Variants in DNAH9 observed in about 807,000 individuals in gnomAD.
The protein encoded by DNAH9 is DNAH9 variant protein.
DNAH9 carries 345 observed loss-of-function variants against 471.6 expected under a neutral mutation model. That is an observed-to-expected ratio of 0.73 (90% confidence interval 0.67 to 0.80). DNAH9 has a LOEUF of 0.80. Among genes scored for constraint, DNAH9 ranks in the 30% least tolerant of loss-of-function variants. The pLI is 0.00. For missense variants in DNAH9, 5,407 were observed against 5,609.2 expected, an observed-to-expected ratio of 0.96 and a Z score of 1.15; for synonymous variants, 2,093 against 2,123.6, an observed-to-expected ratio of 0.99 and a Z score of 0.40.
At chr17:11,842,200 A>T (rs1258263029) in intron 49 of DNAH9, among the ~76,000 whole-genome samples, 1 of 152,196 alleles carries the variant, frequency 6.6e-6, no homozygotes, top group Non-Finnish European at 1.5e-5. Context: ...CAAGAAAATA[A>T]AACCTCAGAT....
intron 50 of DNAH9, among the ~76,000 whole-genome samples, chr17:11,855,596 G>C (rs890513468): frequency 5.9e-5 from 9 of 152,142 alleles, no homozygotes; most frequent in Non-Finnish European, 1.3e-4. Flanking sequence ...GAGAAATAAA[G>C]GTTACAACTG....
In DNAH9 at chr17:11,962,403, AT is replaced by A; in HGVS notation, c.13233+150del. 7.5e-7 allele frequency: 1 copy of A among 1,327,834 alleles called. No individual in the cohort carries two copies. Among genetic ancestry groups the A allele is most frequent in the Non-Finnish European group, 9.9e-7 (1 of 1,006,098 alleles). 82.3% of individuals were successfully genotyped at this position (1,327,834 alleles called of 1,614,324 possible). On this transcript the variant is annotated intron_variant, in intron 68 of 68. Coordinates refer to ENST00000262442, the MANE Select transcript of DNAH9 (RefSeq NM_001372.4). The surrounding 1 kb of genome is among the most constrained non-coding windows in gnomAD (Gnocchi z 4.1). ...TCCTTGAGGCCATCAGGCCATTTTT[AT>A]TTAGCCAGGGGTGGTGCAAAGAGCG... is the stretch of plus-strand genomic sequence containing the variant.
chr17:11,739,149 T>A, intron 29 of DNAH9, 112 bp downstream of exon 29: 1 of 1,117,006 alleles, frequency 9.0e-7, no homozygotes, highest in Non-Finnish European at 1.2e-6. Context: ...TTTGGAAAAG[T>A]AGATTTGTAA....
chr17:11,649,975 C>T (rs780316808), intron 12 of DNAH9, among the ~76,000 whole-genome samples: 12 of 152,086 alleles, frequency 7.9e-5, no homozygotes, highest in African/African-American at 1.2e-4. Flanking sequence ...ATATTTTATG[C>T]GCAAAAGTTT....
chr17:11,888,230 C>T (rs1177413034), intron 57 of DNAH9, among the ~76,000 whole-genome samples: 57 of 152,044 alleles, frequency 3.7e-4, no homozygotes, highest in Admixed American at 3.5e-3. Context: ...GTGATCCGCC[C>T]GCCTCGGCCT....
chr17:11,762,401 C>T (rs908715835), intron 35 of DNAH9, among the ~76,000 whole-genome samples: 15 of 152,062 alleles, frequency 9.9e-5, no homozygotes, highest in African/African-American at 3.6e-4. Context: ...GATGAGGATA[C>T]CTATGGGAAG....
intron 50 of DNAH9, among the ~76,000 whole-genome samples, chr17:11,859,084 C>CAAAAAAAA (rs56040033): frequency 3.1e-5 from 2 of 64,374 alleles, no homozygotes; most frequent in Non-Finnish European, 2.8e-5. Flanking sequence ...AACCCCGTCT[C>CAAAAAAAA]AAAAAAAAAA....
chr17:11,640,102 T>G (rs2073242112), intron 9 of DNAH9, among the ~76,000 whole-genome samples, 168 bp from the exon 10 acceptor site: 1 of 152,242 alleles, frequency 6.6e-6, no homozygotes, highest in South Asian at 2.1e-4. Context: ...TCAGGGTTAC[T>G]CTTTCTTCCT....
Position 11,636,730 on chromosome 17 carries a change from C to A in DNAH9, c.1732C>A (p.Leu578Met), listed in dbSNP as rs570676495. ...CCTCATCCAAATGTTCAACAAAGAT[C>A]TGGATGCAGTGAGGATGATCTACAG... Reference protein sequence around the residue: ...LVLIQMFNKDLDAVRMIYSQH... With the variant: ...LVLIQMFNKDMDAVRMIYSQH... Residue 578 changes from leucine to methionine, a missense_variant, in exon 9 of 69, where the codon CTG (leucine) becomes ATG (methionine). Around this residue, in one of 3 missense-constraint regions of DNAH9, gnomAD observed 4,636 missense variants for 4,900.3 expected, o/e 0.95. Coordinates refer to ENST00000262442, the MANE Select transcript of DNAH9 (RefSeq NM_001372.4). 6.2e-7 allele frequency: 1 copy of A among 1,613,696 alleles called. No homozygotes were observed. Among genetic ancestry groups the A allele is most frequent in the East Asian group, 2.2e-5 (1 of 44,882 alleles).
At chr17:11,652,495 C>G (rs1285539082) in intron 13 of DNAH9, among the ~76,000 whole-genome samples, 2 of 151,856 alleles carry the variant, frequency 1.3e-5, no homozygotes, top group Non-Finnish European at 2.9e-5. Context: ...CCGTGTTAGC[C>G]AGGATGGTCT....
At chr17:11,941,698 A>G (rs1415714803) in intron 66 of DNAH9, among the ~76,000 whole-genome samples, 2 of 21,880 alleles carry the variant, frequency 9.1e-5, no homozygotes, top group Admixed American at 6.1e-4. Context: ...ATGACCGGAT[A>G]GATAGATAGA....
chr17:11,629,697 G>A lies in DNAH9; in HGVS notation c.1518+113G>A. Reference sequence around the variant, plus strand: ...CCTGTGTATTTCCTTTGGCTCTGTGGTCCCAGTGGTTTTGCTAATTATCCT... The same window carrying A: ...CCTGTGTATTTCCTTTGGCTCTGTGATCCCAGTGGTTTTGCTAATTATCCT... On this transcript the variant is annotated intron_variant, in intron 7 of 68. Transcript: ENST00000262442. The A allele has an allele frequency of 3.2e-6, 3 of 929,482 alleles. No homozygotes were observed. The South Asian group carries it at 5.8e-5, about 18-fold the overall frequency. 57.6% of individuals were successfully genotyped at this position (929,482 alleles called of 1,614,324 possible).
chr17:11,641,293 G>C (rs1335341549), intron 10 of DNAH9, among the ~76,000 whole-genome samples: 2 of 152,026 alleles, frequency 1.3e-5, no homozygotes, highest in African/African-American at 4.8e-5. Flanking sequence ...CCCAATGTGA[G>C]CAATCTCCTG....
chr17:11,689,384 A>G (rs921338637), intron 19 of DNAH9, among the ~76,000 whole-genome samples, 182 bp from the exon 20 acceptor site: 1 of 150,842 alleles, frequency 6.6e-6, no homozygotes, highest in African/African-American at 2.5e-5. Flanking sequence ...TTTTTTCCCA[A>G]AAGAAAATCC....
At chr17:11,816,124 A>G (rs1023882757) in intron 45 of DNAH9, among the ~76,000 whole-genome samples, 3 of 152,130 alleles carry the variant, frequency 2.0e-5, no homozygotes, top group Non-Finnish European at 4.4e-5. Flanking sequence ...TGAGTTCCCC[A>G]TATTCCTACA....
intron 19 of DNAH9, among the ~76,000 whole-genome samples, chr17:11,682,824 G>T (rs2074157860): frequency 6.6e-6 from 1 of 152,116 alleles, no homozygotes; most frequent in African/African-American, 2.4e-5. Flanking sequence ...GAAGTAATTG[G>T]TTTCCTTTCA....
intron 67 of DNAH9, among the ~76,000 whole-genome samples, chr17:11,953,682 G>A (rs1323491963): frequency 6.6e-6 from 1 of 150,566 alleles, no homozygotes; most frequent in Non-Finnish European, 1.5e-5. Flanking sequence ...CGTGGTGGCA[G>A]GCGCCTGTAG....
chr17:11,905,220 G>C (rs986013552), intron 60 of DNAH9, among the ~76,000 whole-genome samples: 1 of 132,826 alleles, frequency 7.5e-6, no homozygotes, highest in African/African-American at 2.6e-5. Context: ...GGGACAGAGC[G>C]AGAATCCATC....
At chr17:11,880,511 G>A (rs1200777009) in intron 54 of DNAH9, among the ~76,000 whole-genome samples, 10 of 152,130 alleles carry the variant, frequency 6.6e-5, no homozygotes, top group Non-Finnish European at 1.2e-4. Flanking sequence ...TGACTTTTAA[G>A]TACGAGCATC....
Sources: gnomAD v4.1 joint callset for allele counts (sites outside exome capture counted in the v4.1 genomes callset) on GRCh38, gnomAD v4.1.1 for gene constraint, gnomAD v4.1.1 regional missense constraint, Gnocchi (gnomAD v3.1) non-coding constraint, MANE v1.5 for transcripts, NCBI Gene and HGNC (gene_info 2026-07-23, HGNC 2026-07-21) for gene names.